GRXCR1: variants seen among roughly 807,000 people sequenced by gnomAD.
GRXCR1 encodes the protein glutaredoxin and cysteine rich domain containing 1.
Under a neutral mutation model 27.3 loss-of-function variants are expected in GRXCR1, and 27 were observed. The ratio of observed to expected loss-of-function variants is 0.99; its 90% CI spans 0.73 to 1.37. The LOEUF is 1.37. Ranked by LOEUF, GRXCR1 falls within the 40% of genes most tolerant of loss-of-function variation. GRXCR1 has a pLI of 0.00. For missense variants in GRXCR1, 379 were observed against 354.4 expected (o/e 1.07, Z -0.56); for synonymous variants, 122 against 131.1 (o/e 0.93, Z 0.47).
intron 1 of GRXCR1, among the ~76,000 whole-genome samples, chr4:42,948,344 A>G (rs1409414422): frequency 1.3e-5 from 2 of 151,962 alleles, no homozygotes; most frequent in Non-Finnish European, 2.9e-5. Context: ...TCTTTAATGC[A>G]CTTGTTTCTT....
At chr4:42,940,552 T>C (rs1202526940) in intron 1 of GRXCR1, among the ~76,000 whole-genome samples, 5 of 152,106 alleles carry the variant, frequency 3.3e-5, no homozygotes, top group Non-Finnish European at 5.9e-5. Flanking sequence ...TCATTTGGCA[T>C]TTTGGAAGAA....
chr4:42,903,586 G>T (rs1746518025), intron 1 of GRXCR1, among the ~76,000 whole-genome samples: 1 of 147,648 alleles, frequency 6.8e-6, no homozygotes, highest in South Asian at 2.4e-4. Flanking sequence ...TGCTGGGATA[G>T]ATATTCTTAA....
intron 1 of GRXCR1, among the ~76,000 whole-genome samples, chr4:42,952,802 C>T (rs558939056): frequency 6.6e-6 from 1 of 152,028 alleles, no homozygotes; most frequent in Admixed American, 6.6e-5. Context: ...AGGGAAGCAT[C>T]GAGAGAAACC....
At chr4:42,902,654 G>A (rs1452782350) in intron 1 of GRXCR1, among the ~76,000 whole-genome samples, 1 of 152,082 alleles carries the variant, frequency 6.6e-6, no homozygotes, top group African/African-American at 2.4e-5. Flanking sequence ...AACACATTTT[G>A]GGGGAACAAC....
chr4:43,022,863 C>T (rs1005633633), intron 3 of GRXCR1, among the ~76,000 whole-genome samples: 7 of 152,112 alleles, frequency 4.6e-5, no homozygotes, highest in South Asian at 2.1e-4. Context: ...GATATATTCC[C>T]GGCATTTTAT....
At chr4:42,902,428 A>T (rs913516834) in intron 1 of GRXCR1, among the ~76,000 whole-genome samples, 1 of 152,020 alleles carries the variant, frequency 6.6e-6, no homozygotes, top group African/African-American at 2.4e-5. Flanking sequence ...ATGGCTTCCA[A>T]CTCCATCCAT....
At chr4:43,029,134 A>C (rs1306123648) in intron 3 of GRXCR1, among the ~76,000 whole-genome samples, 2 of 152,214 alleles carry the variant, frequency 1.3e-5, no homozygotes, top group Non-Finnish European at 2.9e-5. Flanking sequence ...CAGGTTACTA[A>C]TTATGAGAGA....
chr4:42,990,940 A>G (rs570132692), intron 2 of GRXCR1, among the ~76,000 whole-genome samples: 3 of 152,264 alleles, frequency 2.0e-5, no homozygotes, highest in Admixed American at 6.5e-5. Context: ...TCAAATACAT[A>G]TGGTAAGCTC....
intron 2 of GRXCR1, among the ~76,000 whole-genome samples, chr4:43,000,122 G>A (rs1200883226): frequency 6.6e-6 from 1 of 152,204 alleles, no homozygotes; most frequent in Non-Finnish European, 1.5e-5. Context: ...CCCTTGGCAT[G>A]TGAATCATCT....
At position 42,963,110 on chromosome 4, in the gene GRXCR1, G is replaced by T; in HGVS notation, c.603G>T (p.Val201=). The change falls in exon 2 of 4, where the codon GTG becomes GTT. Residue 201 remains valine (V), a synonymous_variant. Coordinates refer to ENST00000399770, the MANE Select transcript of GRXCR1 (RefSeq NM_001080476.3). The stretch of plus-strand genomic sequence containing the variant: ...CTGAAGCTCCTTCCCTCCCTGTTGT[G>T]TTCATTGATGGCCATTACCTTGGGG... The part of the protein sequence containing the change: ...RVSEAPSLPV[V]FIDGHYLGGA... 1 of 1,612,744 alleles carries T rather than the reference G, an allele frequency of 6.2e-7. No homozygotes were observed. The highest frequency in any genetic ancestry group is 1.7e-5 in the Admixed American group (1 of 59,922).
chr4:43,021,315 T>C (rs1713085352), intron 3 of GRXCR1, among the ~76,000 whole-genome samples: 1 of 152,202 alleles, frequency 6.6e-6, no homozygotes, highest in Non-Finnish European at 1.5e-5. Context: ...AAGGCCCATC[T>C]TCAGTATCAG....
chr4:43,006,840 T>A (rs921660272), intron 2 of GRXCR1, among the ~76,000 whole-genome samples: 2 of 152,182 alleles, frequency 1.3e-5, no homozygotes, highest in African/African-American at 2.4e-5. Context: ...TTGTGGGGCA[T>A]CACGGAACGT....
intron 1 of GRXCR1, among the ~76,000 whole-genome samples, chr4:42,946,487 T>C (rs1747747379): frequency 6.6e-6 from 1 of 152,228 alleles, no homozygotes; most frequent in South Asian, 2.1e-4. Context: ...ATGTGCTTAC[T>C]GTCTGTCTTA....
chr4:43,015,620 C>T (rs1397291597), intron 2 of GRXCR1, among the ~76,000 whole-genome samples: 1 of 152,032 alleles, frequency 6.6e-6, no homozygotes, highest in African/African-American at 2.4e-5. Flanking sequence ...AAGGCTCACC[C>T]ATAGCTACCA....
At position 42,903,215 on chromosome 4, in the gene GRXCR1, A is replaced by T. The variant is rs533780486; in HGVS notation, c.384+9565A>T. 3.9e-5 allele frequency among the ~76,000 whole-genome samples: 5 copies of T among 128,478 alleles called. No homozygotes were observed. The South Asian group carries it at 1.9e-3, about 48-fold the overall frequency. 84.3% of individuals were successfully genotyped at this position (128,478 alleles called of 152,430 possible). On this transcript the variant is annotated intron_variant, in intron 1 of 3. Coordinates refer to ENST00000399770, the MANE Select transcript of GRXCR1 (RefSeq NM_001080476.3). ...TATTAGAAAATCTACTACAAAGATA[A>T]CACAAATCAACCAATGATACTTACT...
chr4:42,893,769 C>G, intron 1 of GRXCR1, 119 bp downstream of exon 1: 1 of 933,188 alleles, frequency 1.1e-6, no homozygotes, highest in East Asian at 2.4e-5. Context: ...CTTCATGAGA[C>G]GCTCCTCCAC....
rs769286522 is a variant in GRXCR1 at position 42,962,973 on chromosome 4, T to C, written c.466T>C (p.Cys156Arg). 8 of 1,612,884 alleles carry C rather than the reference T, an allele frequency of 5.0e-6. No homozygotes were observed. The highest frequency in any genetic ancestry group is 2.2e-5 in the South Asian group (2 of 91,064). Residue 156 changes from cysteine (C) to arginine (R), a missense_variant, in exon 2 of 4, where the codon TGT (cysteine) becomes CGT (arginine). By Grantham distance (180) the Cys-to-Arg change is radical. Transcript: ENST00000399770. ...TGTGGTCCGGACAACCTTTGAAAGA[T>C]GTGAACTGGTTAGAAAGATTTTCCA... The part of the protein sequence containing the change: ...LRVVRTTFER[C>R]ELVRKIFQNH...
chr4:43,000,303 C>G (rs1291903227), intron 2 of GRXCR1, among the ~76,000 whole-genome samples: 3 of 151,930 alleles, frequency 2.0e-5, no homozygotes, highest in African/African-American at 7.3e-5. Flanking sequence ...CATGGTGAAA[C>G]TGTCTCTAGT....
At chr4:42,951,052 C>T (rs1747872401) in intron 1 of GRXCR1, among the ~76,000 whole-genome samples, 1 of 152,042 alleles carries the variant, frequency 6.6e-6, no homozygotes, top group Non-Finnish European at 1.5e-5. Context: ...TTCAGGAAAT[C>T]CAATGATGTA....
Sources: allele counts gnomAD v4.1 joint callset (sites outside exome capture counted in the v4.1 genomes callset), GRCh38; gene constraint gnomAD v4.1.1; transcripts MANE v1.5; gene names NCBI Gene and HGNC (gene_info 2026-07-23, HGNC 2026-07-21).